ZMAT4: variants seen among roughly 807,000 people sequenced by gnomAD.
ZMAT4 encodes the protein zinc finger matrin-type 4.
In ZMAT4, 17 loss-of-function variants were observed where a neutral mutation model predicts 28.7. The observed-to-expected ratio is 0.59, with a 90% CI of 0.41 to 0.89. ZMAT4 has a LOEUF of 0.89. ZMAT4 is among the 40% of genes least tolerant of loss of function. ZMAT4 has a pLI of 0.00. For synonymous variants in ZMAT4, 117 were observed against 109.2 expected, an observed-to-expected ratio of 1.07 and a Z score of -0.44; for missense variants, 240 against 283.8, an observed-to-expected ratio of 0.85 and a Z score of 1.11.
intron 1 of ZMAT4, among the ~76,000 whole-genome samples, chr8:40,842,025 C>G (rs75599194): frequency 0.14 from 20,875 of 152,222 alleles, 1,828 homozygotes; most frequent in Middle Eastern, 0.2. Context: ...GAAAATGATG[C>G]CTCTGTGATC....
chr8:40,654,453 A>T (rs1807827853), intron 5 of ZMAT4, among the ~76,000 whole-genome samples: 1 of 152,142 alleles, frequency 6.6e-6, no homozygotes, highest in Admixed American at 6.6e-5. Context: ...AATTTCACAA[A>T]TTCACTATAG....
intron 3 of ZMAT4, among the ~76,000 whole-genome samples, chr8:40,766,624 C>G (rs1813170327): frequency 1.3e-5 from 2 of 152,166 alleles, no homozygotes; most frequent in African/African-American, 4.8e-5. Flanking sequence ...CTGCAGTGTT[C>G]CAGATTAGTC....
rs369527180 is a variant in ZMAT4, at chr8:40,636,009, C to T, written c.577+38695G>A. On this transcript the variant is annotated intron_variant, in intron 5 of 6. Transcript: ENST00000297737. Reference sequence around the variant, plus strand: ...CTCAGATTCATTTCAAGGTTAGAGACGTTTGAGTAAGTTTCCTATCCGACT... The same window carrying T: ...CTCAGATTCATTTCAAGGTTAGAGATGTTTGAGTAAGTTTCCTATCCGACT... Among the ~76,000 whole-genome samples, 61 of 152,268 alleles carry T rather than the reference C, an allele frequency of 4.0e-4. 1 individual carries two copies. The South Asian group carries it at 0.011, about 28-fold the overall frequency.
intron 2 of ZMAT4, among the ~76,000 whole-genome samples, chr8:40,799,450 T>A (rs1435907791): frequency 6.6e-6 from 1 of 152,086 alleles, no homozygotes; most frequent in African/African-American, 2.4e-5. Context: ...AAGACTAAGG[T>A]TTTTTCTTTA....
chr8:40,721,093 G>C (rs1435291749), intron 3 of ZMAT4, among the ~76,000 whole-genome samples: 1 of 142,836 alleles, frequency 7.0e-6, no homozygotes, highest in Admixed American at 7.1e-5. Context: ...TCGTCATCTA[G>C]CATTAGGTAT....
At chr8:40,696,411 C>A (rs1053659080) in intron 4 of ZMAT4, among the ~76,000 whole-genome samples, 1 of 152,162 alleles carries the variant, frequency 6.6e-6, no homozygotes, top group Admixed American at 6.5e-5. Flanking sequence ...AAATGTACTG[C>A]TAAATTTTAA....
intron 1 of ZMAT4, among the ~76,000 whole-genome samples, chr8:40,884,262 C>A (rs1389938940): frequency 6.6e-6 from 1 of 151,564 alleles, no homozygotes; most frequent in African/African-American, 2.4e-5. Flanking sequence ...CCAGGCCTCA[C>A]TCCCTCACCC....
intron 6 of ZMAT4, among the ~76,000 whole-genome samples, chr8:40,543,391 C>T (rs569218517): frequency 2.4e-4 from 36 of 152,320 alleles, no homozygotes; most frequent in African/African-American, 8.4e-4. Flanking sequence ...ATGGGTGTAG[C>T]GTCTGCTGTA....
At chr8:40,853,921 T>C (rs2150637753) in intron 1 of ZMAT4, among the ~76,000 whole-genome samples, 1 of 152,320 alleles carries the variant, frequency 6.6e-6, no homozygotes, top group East Asian at 1.9e-4. Context: ...ATTTGGCTCA[T>C]GTTTCTGCAG....
At chr8:40,576,608 G>A (rs1406429793) in intron 6 of ZMAT4, among the ~76,000 whole-genome samples, 1 of 149,164 alleles carries the variant, frequency 6.7e-6, no homozygotes, top group African/African-American at 2.5e-5. Flanking sequence ...TCCCAAACAA[G>A]CAAAAACTGA....
chr8:40,839,742 A>AGTAGGT lies in ZMAT4; in HGVS notation c.-4-14068_-4-14063dup, dbSNP rs374381615. 2.6e-3 allele frequency among the ~76,000 whole-genome samples: 391 copies of AGTAGGT among 152,356 alleles called. 2 individuals carry two copies. The highest frequency in any genetic ancestry group is 8.9e-3 in the African/African-American group (371 of 41,596). On this transcript the variant is annotated intron_variant, in intron 1 of 6. Transcript: ENST00000297737. ...AAAGCCAGGCGTGTTCTCACTCATA[A>AGTAGGT]GTAGGTGCTAAAAAATGTATAACAC...
intron 6 of ZMAT4, among the ~76,000 whole-genome samples, chr8:40,548,527 A>G (rs1269753983): frequency 1.3e-5 from 2 of 152,194 alleles, no homozygotes; most frequent in African/African-American, 4.8e-5. Flanking sequence ...AACAATAGAA[A>G]TGAAATTTAA....
intron 5 of ZMAT4, among the ~76,000 whole-genome samples, chr8:40,600,416 T>C (rs1313034420): frequency 6.6e-6 from 1 of 152,232 alleles, no homozygotes; most frequent in East Asian, 1.9e-4. Context: ...AAAGCATTCC[T>C]ACACCACTTC....
chr8:40,835,269 G>A (rs1816434719), intron 1 of ZMAT4, among the ~76,000 whole-genome samples: 4 of 152,168 alleles, frequency 2.6e-5, no homozygotes, highest in Admixed American at 2.6e-4. Flanking sequence ...AGAGAAGCAG[G>A]GAGAGGAGGA....
At chr8:40,768,258 AGAGAATTGTAT>A (rs1443993437) in intron 2 of ZMAT4, among the ~76,000 whole-genome samples, 1 of 152,194 alleles carries the variant, frequency 6.6e-6, no homozygotes, top group Non-Finnish European at 1.5e-5. Flanking sequence ...AGCAAACTAA[AGAGAATTGTAT>A]GTCAGTCTGC....
At chr8:40,817,935 A>T (rs1283881928) in intron 2 of ZMAT4, among the ~76,000 whole-genome samples, 7 of 152,218 alleles carry the variant, frequency 4.6e-5, no homozygotes, top group Non-Finnish European at 1.0e-4. Flanking sequence ...TCCTGCAGGT[A>T]GGTGGGCTAT....
chr8:40,877,133 G>C (rs1818067871), intron 1 of ZMAT4, among the ~76,000 whole-genome samples: 1 of 152,184 alleles, frequency 6.6e-6, no homozygotes, highest in Admixed American at 6.5e-5. Context: ...ACGCATAGAG[G>C]GAAGATGCGA....
intron 4 of ZMAT4, among the ~76,000 whole-genome samples, chr8:40,691,734 T>C (rs572707860): frequency 6.6e-6 from 1 of 152,332 alleles, no homozygotes; most frequent in East Asian, 1.9e-4. Flanking sequence ...ATTTTACTTA[T>C]ATCTTCTGCC....
At chr8:40,536,853 G>A (rs1265208501) in intron 6 of ZMAT4, among the ~76,000 whole-genome samples, 3 of 151,922 alleles carry the variant, frequency 2.0e-5, no homozygotes, top group Admixed American at 1.3e-4. Context: ...AGGGGCACAA[G>A]GTGTCTTGCT....
Sources: gnomAD v4.1 joint callset for allele counts (sites outside exome capture counted in the v4.1 genomes callset) on GRCh38, gnomAD v4.1.1 for gene constraint, MANE v1.5 for transcripts, NCBI Gene and HGNC (gene_info 2026-07-23, HGNC 2026-07-21) for gene names.